Variants in CPOX observed in about 807,000 individuals in gnomAD.
The protein encoded by CPOX is coproporphyrinogen oxidase, also known as oxygen-dependent coproporphyrinogen-III oxidase, mitochondrial.
CPOX carries 24 observed loss-of-function variants against 48.9 expected under a neutral mutation model. The observed-to-expected ratio is 0.49, with a 90% CI of 0.36 to 0.69. The LOEUF (loss-of-function observed/expected upper bound fraction) is 0.69, where lower values mean the gene tolerates loss of function less well. Ranked by LOEUF, CPOX falls within the 30% of genes least tolerant of loss-of-function variation. The pLI, the probability that CPOX is intolerant of heterozygous loss-of-function variation, is 0.00. For missense variants in CPOX, 549 were observed against 597.3 expected, an observed-to-expected ratio of 0.92 and a Z score of 0.84; for synonymous variants, 249 against 234.6, an observed-to-expected ratio of 1.06 and a Z score of -0.56.
At chr3:98,572,157 C>G in the CPOX span, among the ~76,000 whole-genome samples, 1 of 152,190 alleles carries the variant, frequency 6.6e-6, no homozygotes, top group East Asian at 1.9e-4. Context: ...TGAAATAATT[C>G]AACAACTACA....
chr3:98,579,788 C>CTA lies in CPOX; in HGVS notation c.*893_*894dup. On this transcript the variant is annotated 3_prime_UTR_variant, in exon 7 of 7. Coordinates refer to ENST00000647941, the MANE Select transcript of CPOX (RefSeq NM_000097.7). The stretch of plus-strand genomic sequence containing the variant: ...ATGAAATGCCTCCAAGTTTCTCATA[C>CTA]TATATATACTTGCTTTAAAGAAGGA... 1 of 985,272 alleles carries CTA rather than the reference C, an allele frequency of 1.0e-6. No homozygotes were observed. The highest frequency in any genetic ancestry group is 6.1e-5 in the Admixed American group (1 of 16,288). 61.0% of individuals were successfully genotyped at this position (985,272 alleles called of 1,614,324 possible).
chr3:98,593,424 C>A lies in CPOX; in HGVS notation c.81G>T (p.Trp27Cys), dbSNP rs1195836059. Residue 27 changes from tryptophan to cysteine, a missense_variant, in exon 1 of 7, where the codon TGG (tryptophan) becomes TGT (cysteine). By Grantham distance (215) the Trp-to-Cys change is radical. Transcript: ENST00000647941. ...GGAGCCCTCCGCCGCCGCACTGGGA[C>A]CAGGCGCGGGGCCCTCCGCAGCCGC... The part of the protein sequence containing the change: ...ARGGCGGPRA[W>C]SQCGGGGLRA... 1.4e-6 allele frequency: 2 copies of A among 1,467,798 alleles called. No homozygotes were observed. The highest frequency in any genetic ancestry group is 1.8e-6 in the Non-Finnish European group (2 of 1,116,774). 90.9% of individuals were successfully genotyped at this position (1,467,798 alleles called of 1,614,324 possible).
rs1393672916 is a variant in CPOX, at chr3:98,593,427, G to A, written c.78C>T (p.Ala26=). ...VARGGCGGPR[A]WSQCGGGGLR... Reference sequence around the variant, plus strand: ...GCCCTCCGCCGCCGCACTGGGACCAGGCGCGGGGCCCTCCGCAGCCGCCCC... The same window carrying A: ...GCCCTCCGCCGCCGCACTGGGACCAAGCGCGGGGCCCTCCGCAGCCGCCCC... The change falls in exon 1 of 7, where the codon GCC becomes GCT. Residue 26 remains alanine (A), a synonymous_variant. Transcript: ENST00000647941. 6.8e-7 allele frequency: 1 copy of A among 1,477,324 alleles called. No individual in the cohort carries two copies. The highest frequency in any genetic ancestry group is 8.9e-7 in the Non-Finnish European group (1 of 1,121,062). 91.5% of individuals were successfully genotyped at this position (1,477,324 alleles called of 1,614,324 possible).
At chr3:98,581,803 G>C (rs571188449) in intron 5 of CPOX, among the ~76,000 whole-genome samples, 1 of 152,298 alleles carries the variant, frequency 6.6e-6, no homozygotes, top group East Asian at 1.9e-4. Context: ...AAGCTGAGAA[G>C]TTTAAAGCAG....
chr3:98,583,512 T>G (rs1445386722), intron 5 of CPOX, among the ~76,000 whole-genome samples: 1 of 152,204 alleles, frequency 6.6e-6, no homozygotes, highest in Non-Finnish European at 1.5e-5. Flanking sequence ...CCCTTCAATT[T>G]AACTAATGCC....
chr3:98,589,636 TAA>T (rs1264675434), intron 3 of CPOX: 5 of 151,950 alleles, frequency 3.3e-5, no homozygotes, highest in Non-Finnish European at 7.3e-5. Flanking sequence ...CTAGAAAGAG[TAA>T]AAACACTTGC....
At chr3:98,572,418 T>C in the CPOX span, among the ~76,000 whole-genome samples, 1 of 152,194 alleles carries the variant, frequency 6.6e-6, no homozygotes, top group Non-Finnish European at 1.5e-5. Context: ...AAGGTATCTG[T>C]TTTTTATAGC....
At chr3:98,584,256 T>C (rs533195062) in intron 5 of CPOX, among the ~76,000 whole-genome samples, 3 of 152,190 alleles carry the variant, frequency 2.0e-5, no homozygotes, top group Non-Finnish European at 2.9e-5. Context: ...TGAGGTTCTT[T>C]TTGGCAGGTC....
At chr3:98,580,890 T>G (rs1448756810) in intron 6 of CPOX, 120 bp from the exon 7 acceptor site, 1 of 1,209,168 alleles carries the variant, frequency 8.3e-7, no homozygotes, top group East Asian at 2.6e-5. Flanking sequence ...TTATACTTCT[T>G]TGTCTCTACT....
Position 98,591,158 on chromosome 3 carries a change from G to C in CPOX, c.557-3C>G, listed in dbSNP as rs750156215. On this transcript the variant is annotated splice_region_variant and splice_polypyrimidine_tract_variant and intron_variant, in intron 1 of 6. Coordinates refer to ENST00000647941, the MANE Select transcript of CPOX (RefSeq NM_000097.7). ...TACACAGCTGATGCCGCCACCTCCT[G>C]TGTATAGAAATGTAAAAAAGGAGAG... The C allele has an allele frequency of 6.2e-7, 1 of 1,614,116 alleles. No individual in the cohort carries two copies.
Position 98,593,422 on chromosome 3 carries a change from G to T in CPOX, c.83C>A (p.Ser28Tyr). The T allele has an allele frequency of 6.8e-7, 1 of 1,466,878 alleles. No homozygotes were observed. The highest frequency in any genetic ancestry group is 9.0e-7 in the Non-Finnish European group (1 of 1,116,386). 90.9% of individuals were successfully genotyped at this position (1,466,878 alleles called of 1,614,324 possible). A position where few individuals can be genotyped will look rare whatever the true frequency, so the allele number is the denominator to read the frequency against. The stretch of plus-strand genomic sequence containing the variant: ...TCGGAGCCCTCCGCCGCCGCACTGG[G>T]ACCAGGCGCGGGGCCCTCCGCAGCC... ...RGGCGGPRAW[S>Y]QCGGGGLRAW... The change falls in exon 1 of 7, where the codon TCC becomes TAC. Residue 28 changes from serine (S) to tyrosine (Y), a missense_variant. Physicochemically the swap from Ser to Tyr is moderately radical, Grantham distance 144 (BLOSUM62 -2). Around this residue, in one of 2 missense-constraint regions of CPOX, gnomAD observed 336 missense variants for 318.1 expected, o/e 1.06. Transcript: ENST00000647941.
In CPOX at chr3:98,592,936, C is replaced by A; in HGVS notation, c.556+13G>T. 1.2e-6 allele frequency: 2 copies of A among 1,608,622 alleles called. No homozygotes were observed. Among genetic ancestry groups the A allele is most frequent in the Non-Finnish European group, 1.7e-6 (2 of 1,177,672 alleles). On this transcript the variant is annotated intron_variant, in intron 1 of 6. Coordinates refer to ENST00000647941, the MANE Select transcript of CPOX (RefSeq NM_000097.7). ...CCCTGTCTCCAACTCCCGCCAGGGG[C>A]CGGCCTCCTTACCTTCCTTCCTCTC...
At chr3:98,592,927 C>A in intron 1 of CPOX, 22 bp downstream of exon 1, 1 of 1,604,900 alleles carries the variant, frequency 6.2e-7, no homozygotes, top group South Asian at 1.1e-5. Context: ...CTCCAACTCC[C>A]GCCAGGGGCC....
chr3:98,591,976 TA>T (rs550720156), intron 1 of CPOX, among the ~76,000 whole-genome samples: 1,491 of 98,832 alleles, frequency 0.015, 21 homozygotes, highest in African/African-American at 0.063. Context: ...CATATATATA[TA>T]TATATATGTA....
downstream of CPOX, chr3:98,578,263 T>C (rs1576295610): frequency 1.0e-6 from 1 of 975,442 alleles, no homozygotes; most frequent in Non-Finnish European, 1.2e-6. Context: ...TACGTGGTTA[T>C]TGAAGAACTG....
At chr3:98,591,298 T>C in intron 1 of CPOX, 143 bp from the exon 2 acceptor site, 1 of 871,470 alleles carries the variant, frequency 1.1e-6, no homozygotes, top group South Asian at 1.5e-5. Context: ...TACAATTAGA[T>C]AACTAGCTTA....
chr3:98,585,270 A>G (rs189349040), intron 5 of CPOX, among the ~76,000 whole-genome samples, 171 bp downstream of exon 5: 13 of 152,354 alleles, frequency 8.5e-5, no homozygotes, highest in African/African-American at 3.1e-4. Flanking sequence ...AAACTTTGCT[A>G]TAATTATAAT....
chr3:98,593,394 G>C lies in CPOX; in HGVS notation c.111C>G (p.Ala37=), dbSNP rs532941116. 7.1e-7 allele frequency: 1 copy of C among 1,408,158 alleles called. No homozygotes were observed. Among genetic ancestry groups the C allele is most frequent in the East Asian group, 3.0e-5 (1 of 33,094 alleles). The allele number at this position is 1,408,158 out of a possible 1,614,324, so 87.2% of individuals were successfully genotyped here. Residue 37 remains alanine (A), a synonymous_variant, in exon 1 of 7, where the codon GCC becomes GCG. Transcript: ENST00000647941. ...GTCCGGCTGCGCTGCGCTGGGACCA[G>C]GCTCGGAGCCCTCCGCCGCCGCACT... is the stretch of plus-strand genomic sequence containing the variant. ...WSQCGGGGLR[A]WSQRSAAGRV...
chr3:98,576,729 C>T (rs1463690088), downstream of CPOX, among the ~76,000 whole-genome samples: 1 of 152,092 alleles, frequency 6.6e-6, no homozygotes, highest in African/African-American at 2.4e-5. Context: ...TACAATACAT[C>T]CTTGAAAACA....
Sources: gnomAD v4.1 joint callset for allele counts (sites outside exome capture counted in the v4.1 genomes callset) on GRCh38, gnomAD v4.1.1 for gene constraint, gnomAD v4.1.1 regional missense constraint, MANE v1.5 for transcripts, NCBI Gene and HGNC (gene_info 2026-07-23, HGNC 2026-07-21) for gene names.